Variants in CSGALNACT1 observed in about 807,000 individuals in gnomAD.
CSGALNACT1 encodes chondroitin sulfate N-acetylgalactosaminyltransferase 1, also known as beta4GalNAcT-1.
In CSGALNACT1, 52 loss-of-function variants were observed where a neutral mutation model predicts 51.0. The observed-to-expected ratio is 1.02, with a 90% CI of 0.82 to 1.29. The LOEUF is 1.29. CSGALNACT1 is among the 50% of genes most tolerant of loss of function. CSGALNACT1 has a pLI of 0.00. For missense variants in CSGALNACT1, 935 were observed against 679.2 expected (o/e 1.38, Z -4.19); for synonymous variants, 341 against 254.4 (o/e 1.34, Z -3.24).
chr8:19,675,811 C>CA (rs2060135214), intron 1 of CSGALNACT1, among the ~76,000 whole-genome samples: 1 of 151,994 alleles, frequency 6.6e-6, no homozygotes, highest in Non-Finnish European at 1.5e-5. Flanking sequence ...TATGAACCTC[C>CA]ACCCCACTCT....
At chr8:19,684,755 G>A (rs888159681), upstream of CSGALNACT1, among the ~76,000 whole-genome samples, 3 of 152,172 alleles carry the variant, frequency 2.0e-5, no homozygotes, top group Non-Finnish European at 4.4e-5. Context: ...CTCCGTGTAA[G>A]CCTTTCTGGC....
chr8:19,618,131 A>AC (rs540780258), intron 1 of CSGALNACT1, among the ~76,000 whole-genome samples: 130 of 150,150 alleles, frequency 8.7e-4, no homozygotes, highest in Middle Eastern at 3.4e-3. Flanking sequence ...CTTCTGCCTC[A>AC]CCCCCCCGAC....
chr8:19,617,146 C>G (rs1010798930), intron 1 of CSGALNACT1, among the ~76,000 whole-genome samples: 1 of 152,174 alleles, frequency 6.6e-6, no homozygotes, highest in African/African-American at 2.4e-5. Flanking sequence ...AACCTAGATC[C>G]TTGACATGTG....
At chr8:19,726,722 T>C (rs1161632843) in intron 1 of CSGALNACT1, among the ~76,000 whole-genome samples, 1 of 152,164 alleles carries the variant, frequency 6.6e-6, no homozygotes, top group Admixed American at 6.5e-5. Context: ...GAAAAAAATA[T>C]ACTAGAAGAC....
intron 4 of CSGALNACT1, among the ~76,000 whole-genome samples, chr8:19,494,576 T>C (rs367659139): frequency 6.6e-6 from 1 of 152,292 alleles, no homozygotes; most frequent in East Asian, 1.9e-4. Context: ...TCACATCCAA[T>C]GAACAAAGAA....
intron 3 of CSGALNACT1, among the ~76,000 whole-genome samples, chr8:19,576,647 G>C (rs2044289291): frequency 6.6e-6 from 1 of 151,372 alleles, no homozygotes; most frequent in Non-Finnish European, 1.5e-5. Context: ...TCTCTCATTA[G>C]ATCTCACCAC....
intron 8 of CSGALNACT1, among the ~76,000 whole-genome samples, chr8:19,409,151 C>G (rs940651808): frequency 3.3e-5 from 5 of 152,198 alleles, no homozygotes; most frequent in Non-Finnish European, 7.3e-5. Context: ...TAGAGAACAA[C>G]TCAGAATTCA....
chr8:19,505,070 T>C, intron 4 of CSGALNACT1, 131 bp downstream of exon 3: 1 of 920,460 alleles, frequency 1.1e-6, no homozygotes, highest in South Asian at 1.3e-5. Flanking sequence ...CCTTTTGGTG[T>C]CACACACATA....
chr8:19,544,517 A>G (rs1387747451), intron 3 of CSGALNACT1, among the ~76,000 whole-genome samples: 1 of 152,218 alleles, frequency 6.6e-6, no homozygotes, highest in Non-Finnish European at 1.5e-5. Context: ...TGAAAAGTCC[A>G]TTAAATGAAA....
At chr8:19,713,361 T>G (rs779817285) in intron 1 of CSGALNACT1, among the ~76,000 whole-genome samples, 4 of 152,130 alleles carry the variant, frequency 2.6e-5, no homozygotes, top group African/African-American at 4.8e-5. Flanking sequence ...AGAGAGTGAG[T>G]TGGATTTCCC....
In CSGALNACT1 at chr8:19,666,805, AAGAAAGAGAG is replaced by A. The variant is rs1281860170; in HGVS notation, c.-544+15658_-544+15667del. 2.2e-3 allele frequency among the ~76,000 whole-genome samples: 47 copies of A among 21,146 alleles called. 2 individuals are homozygous for A. Among genetic ancestry groups the A allele is most frequent in the Admixed American group, 0.021 (35 of 1,648 alleles). 13.9% of individuals were successfully genotyped at this position (21,146 alleles called of 152,430 possible). Reference sequence around the variant, plus strand: ...AAAGAAAGAAAGAAAGAAAGAAAGAAAGAAAGAGAGAGAGAGAGAGAGAGAGAGAAAGAAA... The same window carrying A: ...AAAGAAAGAAAGAAAGAAAGAAAGAAAGAGAGAGAGAGAGAGAGAAAGAAA... On this transcript the variant is annotated intron_variant, in intron 1 of 9. Coordinates refer to the CSGALNACT1 transcript ENST00000332246.
chr8:19,423,978 G>A (rs919403213), intron 6 of CSGALNACT1, among the ~76,000 whole-genome samples: 3 of 152,202 alleles, frequency 2.0e-5, no homozygotes, highest in Non-Finnish European at 1.5e-5. Context: ...CACAGCACCA[G>A]ACACCTCGGC....
intron 1 of CSGALNACT1, among the ~76,000 whole-genome samples, chr8:19,724,479 C>G (rs1003713013): frequency 2.0e-5 from 3 of 152,318 alleles, no homozygotes; most frequent in Admixed American, 6.5e-5. Flanking sequence ...CACCACCTCT[C>G]TTTCTCTGAT....
chr8:19,486,993 C>G (rs556945594), intron 4 of CSGALNACT1, among the ~76,000 whole-genome samples: 44 of 152,304 alleles, frequency 2.9e-4, no homozygotes, highest in Non-Finnish European at 5.3e-4. Flanking sequence ...TACCTGTCCT[C>G]TTAGGAAGCC....
chr8:19,456,223 T>C (rs1370478817), intron 5 of CSGALNACT1, among the ~76,000 whole-genome samples: 4 of 152,210 alleles, frequency 2.6e-5, no homozygotes, highest in African/African-American at 9.7e-5. Flanking sequence ...GCTGTTCATA[T>C]ATACCCAAGA....
chr8:19,407,661 C>G (rs1272789276), intron 9 of CSGALNACT1, among the ~76,000 whole-genome samples: 1 of 152,150 alleles, frequency 6.6e-6, no homozygotes, highest in African/African-American at 2.4e-5. Flanking sequence ...GCTTGGTCTC[C>G]TCACCTAGAT....
At chr8:19,460,711 C>A (rs149734801) in intron 4 of CSGALNACT1, among the ~76,000 whole-genome samples, 1,751 of 152,280 alleles carry the variant, frequency 0.011, 26 homozygotes, top group African/African-American at 0.04. Flanking sequence ...GAGTCAGTTA[C>A]AGTTTCTCAA....
At chr8:19,498,729 TC>T (rs1273577058) in intron 4 of CSGALNACT1, among the ~76,000 whole-genome samples, 1 of 152,226 alleles carries the variant, frequency 6.6e-6, no homozygotes, top group African/African-American at 2.4e-5. Flanking sequence ...AGTTCCTTCA[TC>T]TTTGACCTCC....
intron 1 of CSGALNACT1, among the ~76,000 whole-genome samples, chr8:19,622,691 C>A (rs1208101965): frequency 1.3e-5 from 2 of 151,992 alleles, no homozygotes; most frequent in South Asian, 4.1e-4. Flanking sequence ...AAGATAAATA[C>A]ACACTCTCTA....
Sources: gnomAD v4.1 joint callset for allele counts (sites outside exome capture counted in the v4.1 genomes callset) on GRCh38, gnomAD v4.1.1 for gene constraint, MANE v1.5 for transcripts, NCBI Gene and HGNC (gene_info 2026-07-23, HGNC 2026-07-21) for gene names.